PIEZO2: variants seen among roughly 807,000 people sequenced by gnomAD.
The protein encoded by PIEZO2 is piezo-type mechanosensitive ion channel component 2.
In PIEZO2, 172 loss-of-function variants were observed where a neutral mutation model predicts 337.3. That is an observed-to-expected ratio of 0.51 (90% CI 0.45 to 0.58). PIEZO2 has a LOEUF of 0.58. Among genes scored for constraint, PIEZO2 ranks in the 20% least tolerant of loss-of-function variants. The probability of loss-of-function intolerance (pLI) is 0.00; values close to 1 mark genes in which losing one functional copy is unlikely to be tolerated. For missense variants in PIEZO2, 3,028 were observed against 3,391.3 expected (o/e 0.89, Z 2.66); for synonymous variants, 1,251 against 1,228.5 (o/e 1.02, Z -0.38).
At position 11,043,096 on chromosome 18, in the gene PIEZO2, T is replaced by A. The variant is rs554088583; in HGVS notation, c.160+23031A>T. The stretch of plus-strand genomic sequence containing the variant: ...AGTATGTTTTGTTGTTAACGTATGA[T>A]GTCTGTATAAATGAACACTTGGTAG... On this transcript the variant is annotated intron_variant, in intron 2 of 55. Coordinates refer to ENST00000674853, the MANE Select transcript of PIEZO2 (RefSeq NM_001378183.1). 2.0e-5 allele frequency among the ~76,000 whole-genome samples: 3 copies of A among 152,334 alleles called. No individual in the cohort carries two copies. The South Asian group carries it at 6.2e-4, about 32-fold the overall frequency.
At position 10,707,779 on chromosome 18, in the gene PIEZO2, A is replaced by G. The variant is rs2035645599; in HGVS notation, c.5588+496T>C. Among the ~76,000 whole-genome samples, 1 of 152,214 alleles carries G rather than the reference A, an allele frequency of 6.6e-6. No homozygotes were observed. The highest frequency in any genetic ancestry group is 1.5e-5 in the Non-Finnish European group (1 of 68,028). On this transcript the variant is annotated intron_variant, in intron 40 of 55. Transcript: ENST00000674853. This position sits in a 1 kb window ranked among gnomAD's most constrained non-coding sequence, Gnocchi z 4.2. ...AATGGTAAACTATATTCTGACTTTT[A>G]TGTCAATTAGGCAGATAACATGCAG...
chr18:11,137,436 G>A (rs543698472), intron 1 of PIEZO2, among the ~76,000 whole-genome samples: 1 of 152,204 alleles, frequency 6.6e-6, no homozygotes, highest in Non-Finnish European at 1.5e-5. Flanking sequence ...TGAGAATTGT[G>A]AAAATATTTC....
In PIEZO2 at chr18:11,148,452, T is replaced by G; in HGVS notation, c.64+73A>C. 3.4e-6 allele frequency: 5 copies of G among 1,474,310 alleles called. No individual in the cohort carries two copies. The highest frequency in any genetic ancestry group is 3.7e-6 in the Non-Finnish European group (4 of 1,090,626). 91.3% of individuals were successfully genotyped at this position (1,474,310 alleles called of 1,614,324 possible). ...CCCCAGAGCACCAGAGCCCTTCACT[T>G]TGTTAAGAAGTCCCCCACCCAGGCG... On this transcript the variant is annotated intron_variant, in intron 1 of 55. Transcript: ENST00000674853. The surrounding 1 kb of genome is among the most constrained non-coding windows in gnomAD (Gnocchi z 5.2).
intron 28 of PIEZO2, 98 bp downstream of exon 28, chr18:10,752,538 G>A (rs1192434668): frequency 7.4e-6 from 10 of 1,355,058 alleles, no homozygotes; most frequent in Non-Finnish European, 8.9e-6. Context: ...GCTTTTAAGA[G>A]AGCAACATGA....
In PIEZO2 at chr18:10,888,897, T is replaced by C. The variant is rs1051176292; in HGVS notation, c.330-17482A>G. Among the ~76,000 whole-genome samples, 1 of 151,232 alleles carries C rather than the reference T, an allele frequency of 6.6e-6. No homozygotes were observed. Among genetic ancestry groups the C allele is most frequent in the African/African-American group, 2.4e-5 (1 of 41,096 alleles). ...TCCACCAACACCTCCATGCAACCCC[T>C]CTCCCTCAACAACCCAGTTTTTCAG... On this transcript the variant is annotated intron_variant, in intron 4 of 55. Transcript: ENST00000674853. This position sits in a 1 kb window ranked among gnomAD's most constrained non-coding sequence, Gnocchi z 4.1.
At chr18:10,990,040 C>T in intron 2 of PIEZO2, among the ~76,000 whole-genome samples, 1 of 152,036 alleles carries the variant, frequency 6.6e-6, no homozygotes, top group African/African-American at 2.4e-5. Flanking sequence ...TGGAGATATA[C>T]TAATTTTCCA....
chr18:10,740,552 G>C (rs2037176402), intron 33 of PIEZO2: 1 of 156,264 alleles, frequency 6.4e-6, no homozygotes, highest in African/African-American at 2.4e-5. Flanking sequence ...TGAGGGGAGG[G>C]GAGGCTCACT....
At chr18:10,736,346 T>C (rs553250770) in intron 34 of PIEZO2, among the ~76,000 whole-genome samples, 1 of 152,234 alleles carries the variant, frequency 6.6e-6, no homozygotes, top group Non-Finnish European at 1.5e-5. Flanking sequence ...ATTTTTTGTT[T>C]ATAGTATCAG....
In PIEZO2 at chr18:11,070,942, G is replaced by A. The variant is rs1054702066; in HGVS notation, c.65-4720C>T. On this transcript the variant is annotated intron_variant, in intron 1 of 55. Transcript: ENST00000674853. The surrounding 1 kb of genome is among the most constrained non-coding windows in gnomAD (Gnocchi z 4.3). ...TCAAGAAGCACTAATCCCAGAATGCGGACAACAGGAGCATAGCACACTCCA... is the reference window on the plus strand; with the variant it reads ...TCAAGAAGCACTAATCCCAGAATGCAGACAACAGGAGCATAGCACACTCCA... Among the ~76,000 whole-genome samples the A allele has an allele frequency of 5.9e-5, 9 of 152,078 alleles. No homozygotes were observed. The highest frequency in any genetic ancestry group is 2.9e-5 in the Non-Finnish European group (2 of 68,028).
chr18:10,965,003 G>A (rs1240732378), intron 3 of PIEZO2, among the ~76,000 whole-genome samples: 1 of 151,948 alleles, frequency 6.6e-6, no homozygotes, highest in Non-Finnish European at 1.5e-5. Context: ...TCCTTTAATG[G>A]ATATTTAGAT....
At chr18:10,990,301 T>C (rs994541602) in intron 2 of PIEZO2, among the ~76,000 whole-genome samples, 1 of 152,162 alleles carries the variant, frequency 6.6e-6, no homozygotes, top group African/African-American at 2.4e-5. Context: ...ATTAATTTCA[T>C]ATGAGGAGAT....
chr18:10,696,726 A>G (rs1395260327), intron 45 of PIEZO2, among the ~76,000 whole-genome samples, 187 bp from the exon 46 acceptor site: 1 of 152,150 alleles, frequency 6.6e-6, no homozygotes, highest in Non-Finnish European at 1.5e-5. Flanking sequence ...GCGTATACAC[A>G]TTTACTGCCA....
At chr18:10,720,524 C>T (rs1353390141) in intron 36 of PIEZO2, among the ~76,000 whole-genome samples, 1 of 141,074 alleles carries the variant, frequency 7.1e-6, no homozygotes, top group Non-Finnish European at 1.5e-5. Flanking sequence ...ATGGTGTGAT[C>T]ATAGCTCACT....
At chr18:11,043,668 T>A (rs1325722250) in intron 2 of PIEZO2, among the ~76,000 whole-genome samples, 1 of 151,832 alleles carries the variant, frequency 6.6e-6, no homozygotes, top group African/African-American at 2.4e-5. Context: ...TAAACACATA[T>A]ACTTCCCAAA....
At chr18:11,062,431 C>T (rs1180512567) in intron 2 of PIEZO2, among the ~76,000 whole-genome samples, 2 of 152,142 alleles carry the variant, frequency 1.3e-5, no homozygotes, top group Admixed American at 6.5e-5. Flanking sequence ...AACTAAAGAG[C>T]CTCTGCACAG....
At chr18:10,699,241 C>T (rs996874043) in intron 43 of PIEZO2, 64 bp from the exon 44 acceptor site, 18 of 1,517,360 alleles carry the variant, frequency 1.2e-5, no homozygotes, top group Non-Finnish European at 1.6e-5. Flanking sequence ...GGTATTCTGT[C>T]TTACAAAATC....
At chr18:10,913,434 G>A (rs546979243) in intron 3 of PIEZO2, among the ~76,000 whole-genome samples, 24 of 152,190 alleles carry the variant, frequency 1.6e-4, no homozygotes, top group Non-Finnish European at 2.6e-4. Context: ...GATGCTGCTC[G>A]GCTTGACTTC....
intron 2 of PIEZO2, among the ~76,000 whole-genome samples, chr18:11,030,651 CCCTCGAGATATATGA>C (rs2036699226): frequency 6.6e-6 from 1 of 152,118 alleles, no homozygotes; most frequent in African/African-American, 2.4e-5. Context: ...AAACGCTGGT[CCCTCGAGATATATGA>C]CAAGGACCCC....
In PIEZO2 at chr18:11,021,567, G is replaced by A. The variant is rs1326299528; in HGVS notation, c.161-41907C>T. Among the ~76,000 whole-genome samples the A allele has an allele frequency of 6.6e-6, 1 of 152,150 alleles. No individual in the cohort carries two copies. The highest frequency in any genetic ancestry group is 2.4e-5 in the African/African-American group (1 of 41,436). On this transcript the variant is annotated intron_variant, in intron 2 of 55. Transcript: ENST00000674853. This position sits in a 1 kb window ranked among gnomAD's most constrained non-coding sequence, Gnocchi z 4.7. ...GTTTAGTCTCCTTGTGAATTCGTGAGGAGGAACACAGTCACCATCGTGAAT... is the reference window on the plus strand; with the variant it reads ...GTTTAGTCTCCTTGTGAATTCGTGAAGAGGAACACAGTCACCATCGTGAAT...
Sources: allele counts gnomAD v4.1 joint callset (sites outside exome capture counted in the v4.1 genomes callset), GRCh38; gene constraint gnomAD v4.1.1; non-coding constraint Gnocchi (gnomAD v3.1); transcripts MANE v1.5; gene names NCBI Gene and HGNC (gene_info 2026-07-23, HGNC 2026-07-21).